SNTG1: variants seen among roughly 807,000 people sequenced by gnomAD.
SNTG1 encodes the protein gamma-1-syntrophin.
In SNTG1, 39 loss-of-function variants were observed where a neutral mutation model predicts 74.7. That is an observed-to-expected ratio of 0.52 (90% CI 0.40 to 0.68). SNTG1 has a LOEUF of 0.68. Ranked by LOEUF, SNTG1 falls within the 30% of genes least tolerant of loss-of-function variation. The pLI is 0.00. For synonymous variants in SNTG1, 254 were observed against 217.1 expected (o/e 1.17, Z -1.49); for missense variants, 685 against 609.5 (o/e 1.12, Z -1.30).
At chr8:50,689,158 A>G (rs1417248446) in intron 15 of SNTG1, among the ~76,000 whole-genome samples, 1 of 151,424 alleles carries the variant, frequency 6.6e-6, no homozygotes, top group African/African-American at 2.4e-5. Flanking sequence ...GGGCTGAGAC[A>G]ATGGGGTTTT....
At chr8:50,438,486 G>T in intron 4 of SNTG1, 57 bp from the exon 5 acceptor site, 3 of 1,466,010 alleles carry the variant, frequency 2.0e-6, no homozygotes, top group South Asian at 1.2e-5. Context: ...AACAAAAAAT[G>T]GTGTGTAAGT....
intron 1 of SNTG1, among the ~76,000 whole-genome samples, chr8:50,048,606 A>G (rs1225951900): frequency 6.6e-6 from 1 of 152,166 alleles, no homozygotes; most frequent in Non-Finnish European, 1.5e-5. Flanking sequence ...CTCCTAATGA[A>G]CAAAACAAAT....
At chr8:50,450,470 A>T in intron 6 of SNTG1, 86 bp from the exon 7 acceptor site, 1 of 1,387,012 alleles carries the variant, frequency 7.2e-7, no homozygotes, top group Non-Finnish European at 1.0e-6. Context: ...TATATTTGTA[A>T]ATTTTACCTT....
At chr8:50,306,149 T>C (rs574167381) in intron 2 of SNTG1, among the ~76,000 whole-genome samples, 7 of 151,594 alleles carry the variant, frequency 4.6e-5, no homozygotes, top group Non-Finnish European at 8.8e-5. Flanking sequence ...TATACAGTAT[T>C]TGATTTTCCA....
At chr8:50,258,078 C>T (rs1477107379) in intron 2 of SNTG1, among the ~76,000 whole-genome samples, 4 of 152,172 alleles carry the variant, frequency 2.6e-5, no homozygotes, top group East Asian at 1.9e-4. Context: ...AAACAGACTT[C>T]GCTGAACAAA....
intron 1 of SNTG1, among the ~76,000 whole-genome samples, chr8:50,128,412 T>A (rs2081212688): frequency 6.6e-6 from 1 of 152,182 alleles, no homozygotes; most frequent in African/African-American, 2.4e-5. Context: ...TTAAAAGCAA[T>A]ATTACTTTAT....
At chr8:50,019,924 A>C (rs1816669656) in intron 1 of SNTG1, among the ~76,000 whole-genome samples, 1 of 152,110 alleles carries the variant, frequency 6.6e-6, no homozygotes, top group African/African-American at 2.4e-5. Context: ...CCACTTGTCA[A>C]ACTGAGAGGC....
intron 1 of SNTG1, among the ~76,000 whole-genome samples, chr8:50,024,296 G>T (rs1817074113): frequency 6.6e-6 from 1 of 152,104 alleles, no homozygotes; most frequent in Non-Finnish European, 1.5e-5. Context: ...GCACAATCAA[G>T]TTTGAGAACC....
At chr8:50,201,221 G>A (rs1218656323) in intron 2 of SNTG1, among the ~76,000 whole-genome samples, 2 of 152,108 alleles carry the variant, frequency 1.3e-5, no homozygotes, top group Non-Finnish European at 2.9e-5. Flanking sequence ...TCATTTATCT[G>A]TAATTCCCAG....
chr8:50,093,326 A>C (rs1316177350), intron 1 of SNTG1, among the ~76,000 whole-genome samples: 1 of 152,178 alleles, frequency 6.6e-6, no homozygotes, highest in African/African-American at 2.4e-5. Context: ...ATCATCCATT[A>C]AAGTGTACAA....
chr8:50,671,377 G>A (rs2095281677), intron 15 of SNTG1, among the ~76,000 whole-genome samples: 1 of 151,268 alleles, frequency 6.6e-6, no homozygotes, highest in Non-Finnish European at 1.5e-5. Context: ...TCAAAAAGTG[G>A]GCGAAGGACA....
chr8:50,439,571 C>T (rs926104440), intron 5 of SNTG1, among the ~76,000 whole-genome samples: 1 of 152,038 alleles, frequency 6.6e-6, no homozygotes, highest in Non-Finnish European at 1.5e-5. Context: ...AGCTTCAAAA[C>T]ATATTTTGTA....
At chr8:49,967,464 T>G (rs1432813747) in intron 1 of SNTG1, among the ~76,000 whole-genome samples, 2 of 152,222 alleles carry the variant, frequency 1.3e-5, no homozygotes, top group African/African-American at 2.4e-5. Flanking sequence ...ATTTGCTCAT[T>G]GCACATACGT....
At chr8:50,560,373 A>G (rs556640436) in intron 12 of SNTG1, among the ~76,000 whole-genome samples, 1 of 152,294 alleles carries the variant, frequency 6.6e-6, no homozygotes, top group East Asian at 1.9e-4. Context: ...ACTGGGTATG[A>G]ACCCAAAGGA....
intron 12 of SNTG1, among the ~76,000 whole-genome samples, chr8:50,555,590 A>G (rs1210718545): frequency 6.6e-6 from 1 of 152,168 alleles, no homozygotes; most frequent in East Asian, 1.9e-4. Flanking sequence ...CCTTATGGAA[A>G]GATGTAGACC....
At chr8:50,381,836 T>TATTA (rs1251572214) in intron 2 of SNTG1, 33 of 98,940 alleles carry the variant, frequency 3.3e-4, no homozygotes, top group African/African-American at 1.1e-3. Flanking sequence ...TATATATATA[T>TATTA]TATATATATA....
intron 5 of SNTG1, among the ~76,000 whole-genome samples, chr8:50,447,684 CA>C (rs1402553472): frequency 2.0e-5 from 3 of 152,118 alleles, no homozygotes; most frequent in Admixed American, 6.5e-5. Context: ...AACAAACTAC[CA>C]AAAAATGTCT....
At chr8:50,700,680 TC>T (rs199933060) in intron 15 of SNTG1, among the ~76,000 whole-genome samples, 1 of 149,500 alleles carries the variant, frequency 6.7e-6, no homozygotes, top group Non-Finnish European at 1.5e-5. Flanking sequence ...AATACAACTT[TC>T]CCCCTCCTAC....
intron 2 of SNTG1, among the ~76,000 whole-genome samples, chr8:50,225,637 A>C (rs1204976517): frequency 6.6e-6 from 1 of 152,158 alleles, no homozygotes; most frequent in Admixed American, 6.5e-5. Context: ...AAATCTCTTC[A>C]AATATTTTAC....
Sources: allele counts gnomAD v4.1 joint callset (sites outside exome capture counted in the v4.1 genomes callset), GRCh38; gene constraint gnomAD v4.1.1; transcripts MANE v1.5; gene names NCBI Gene and HGNC (gene_info 2026-07-23, HGNC 2026-07-21).